Variants in NRG3 observed in about 807,000 individuals in gnomAD.
NRG3 encodes the protein pro-neuregulin-3, membrane-bound isoform.
A neutral mutation model predicts 66.9 loss-of-function variants in NRG3; 31 were observed. That is an observed-to-expected ratio of 0.46 (90% CI 0.35 to 0.63). NRG3 has a LOEUF of 0.63. Among genes scored for constraint, NRG3 ranks in the 20% least tolerant of loss-of-function variants. The probability of loss-of-function intolerance (pLI) is 0.00; values close to 1 mark genes in which losing one functional copy is unlikely to be tolerated. For synonymous variants in NRG3, 393 were observed against 359.4 expected (o/e 1.09, Z -1.06); for missense variants, 910 against 878.9 (o/e 1.04, Z -0.45).
intron 3 of NRG3, among the ~76,000 whole-genome samples, chr10:82,744,165 A>C (rs904825604): frequency 1.4e-4 from 22 of 152,178 alleles, no homozygotes; most frequent in Admixed American, 5.9e-4. Context: ...TTCTTCACTC[A>C]TTCATTCATT....
chr10:81,942,019 T>A (rs574996397), intron 1 of NRG3, among the ~76,000 whole-genome samples: 1 of 152,152 alleles, frequency 6.6e-6, no homozygotes, highest in Admixed American at 6.6e-5. Flanking sequence ...GATCTTCTCA[T>A]CCTTTTCCTT....
At chr10:82,163,530 A>G (rs780507219) in intron 1 of NRG3, among the ~76,000 whole-genome samples, 12 of 152,206 alleles carry the variant, frequency 7.9e-5, no homozygotes, top group South Asian at 2.1e-4. Context: ...CATTCATTAC[A>G]TCAGTAGGTG....
At chr10:82,099,364 T>C (rs1191818196) in intron 1 of NRG3, among the ~76,000 whole-genome samples, 1 of 152,156 alleles carries the variant, frequency 6.6e-6, no homozygotes, top group Non-Finnish European at 1.5e-5. Context: ...CACTTGAACA[T>C]ATATATGTGG....
At chr10:82,635,107 A>C (rs1590958926) in intron 2 of NRG3, among the ~76,000 whole-genome samples, 1 of 152,304 alleles carries the variant, frequency 6.6e-6, no homozygotes, top group Non-Finnish European at 1.5e-5. Context: ...CCTGAACCCA[A>C]ATGGCTTCAT....
intron 2 of NRG3, among the ~76,000 whole-genome samples, chr10:82,533,821 G>A (rs1847543956): frequency 6.6e-6 from 1 of 152,102 alleles, no homozygotes; most frequent in South Asian, 2.1e-4. Context: ...CAGACAACAT[G>A]ATCTTATATA....
chr10:82,083,171 G>A (rs531911942), intron 1 of NRG3, among the ~76,000 whole-genome samples: 9 of 152,036 alleles, frequency 5.9e-5, no homozygotes, highest in African/African-American at 1.9e-4. Flanking sequence ...ATGTACAGTA[G>A]CACTGTATCC....
intron 1 of NRG3, among the ~76,000 whole-genome samples, chr10:82,303,296 A>G (rs1032321887): frequency 1.1e-4 from 17 of 151,902 alleles, no homozygotes; most frequent in African/African-American, 3.6e-4. Context: ...ATTTCCAGAT[A>G]GCCTATGCTT....
chr10:82,909,758 C>G (rs1343334262), intron 4 of NRG3, among the ~76,000 whole-genome samples: 1 of 152,096 alleles, frequency 6.6e-6, no homozygotes, highest in Non-Finnish European at 1.5e-5. Context: ...GTCAAAAAAG[C>G]CTGTAGATAC....
intron 2 of NRG3, among the ~76,000 whole-genome samples, chr10:82,683,021 C>T (rs978384029): frequency 1.5e-5 from 2 of 132,532 alleles, no homozygotes; most frequent in East Asian, 2.5e-4. Context: ...TGCAGTGGCA[C>T]GATCTCAGCT....
intron 1 of NRG3, among the ~76,000 whole-genome samples, chr10:82,310,474 C>G (rs563514390): frequency 2.5e-4 from 38 of 152,162 alleles, no homozygotes; most frequent in Non-Finnish European, 4.6e-4. Context: ...TGAAAGTAGT[C>G]TGGAGATTTC....
At chr10:82,386,416 A>G (rs1206584546) in intron 2 of NRG3, among the ~76,000 whole-genome samples, 1 of 152,222 alleles carries the variant, frequency 6.6e-6, no homozygotes, top group Non-Finnish European at 1.5e-5. Context: ...AAAATCATAA[A>G]TCAGGACAAG....
At chr10:82,897,455 T>C (rs1843766347) in intron 4 of NRG3, among the ~76,000 whole-genome samples, 1 of 152,132 alleles carries the variant, frequency 6.6e-6, no homozygotes, top group African/African-American at 2.4e-5. Flanking sequence ...AACCCAAGGC[T>C]TCTTTTTTTT....
chr10:82,060,732 G>A (rs183182345), intron 1 of NRG3, among the ~76,000 whole-genome samples: 12 of 152,266 alleles, frequency 7.9e-5, no homozygotes, highest in Admixed American at 7.8e-4. Flanking sequence ...GGAATTATTG[G>A]TGCCTCTCAG....
chr10:82,845,545 G>A (rs974217893), intron 3 of NRG3, among the ~76,000 whole-genome samples: 2 of 151,922 alleles, frequency 1.3e-5, no homozygotes, highest in East Asian at 1.9e-4. Flanking sequence ...AAAAAAAAAA[G>A]GGTGTAGATG....
chr10:82,055,800 C>A (rs1288853614), intron 1 of NRG3, among the ~76,000 whole-genome samples: 4 of 152,056 alleles, frequency 2.6e-5, no homozygotes, highest in Non-Finnish European at 4.4e-5. Context: ...ATGAGAAGGG[C>A]TGGAACAGGC....
intron 4 of NRG3, among the ~76,000 whole-genome samples, chr10:82,905,148 G>T (rs1357459605): frequency 1.3e-5 from 2 of 152,132 alleles, no homozygotes; most frequent in African/African-American, 4.8e-5. Context: ...TTTACCCATG[G>T]TCTTTATATT....
chr10:81,892,470 A>G (rs1843111794), intron 1 of NRG3, among the ~76,000 whole-genome samples: 1 of 152,174 alleles, frequency 6.6e-6, no homozygotes, highest in Admixed American at 6.6e-5. Context: ...AATTTTACAA[A>G]GAGTGTTACA....
intron 3 of NRG3, among the ~76,000 whole-genome samples, chr10:82,767,068 G>A (rs551308451): frequency 9.1e-4 from 136 of 149,290 alleles, no homozygotes; most frequent in Non-Finnish European, 1.5e-3. Flanking sequence ...TTAATATGTG[G>A]ATACAATGAT....
chr10:82,561,309 G>T (rs1481676236), intron 2 of NRG3, among the ~76,000 whole-genome samples: 5 of 152,078 alleles, frequency 3.3e-5, no homozygotes, highest in Non-Finnish European at 7.4e-5. Flanking sequence ...TAACTTTGCT[G>T]CTTTAAAATT....
Sources: allele counts gnomAD v4.1 joint callset (sites outside exome capture counted in the v4.1 genomes callset), GRCh38; gene constraint gnomAD v4.1.1; transcripts MANE v1.5; gene names NCBI Gene and HGNC (gene_info 2026-07-23, HGNC 2026-07-21).